PATJ: variants seen among roughly 807,000 people sequenced by gnomAD.
The protein encoded by PATJ is inaD-like protein.
PATJ carries 190 observed loss-of-function variants against 224.9 expected under a neutral mutation model. That is an observed-to-expected ratio of 0.84 (90% CI 0.75 to 0.95). The LOEUF is 0.95. PATJ is among the 40% of genes least tolerant of loss of function. The probability of loss-of-function intolerance (pLI) is 0.00; values close to 1 mark genes in which losing one functional copy is unlikely to be tolerated. For missense variants in PATJ, 2,121 were observed against 2,270.3 expected, an observed-to-expected ratio of 0.93 and a Z score of 1.34; for synonymous variants, 769 against 820.3, an observed-to-expected ratio of 0.94 and a Z score of 1.07.
In PATJ at chr1:61,861,635, A is replaced by T; in HGVS notation, c.2407A>T (p.Ile803Leu). Residue 803 changes from isoleucine to leucine, a missense_variant, in exon 19 of 44, where the codon ATA (isoleucine) becomes TTA (leucine). By Grantham distance (5) the Ile-to-Leu change is conservative. Transcript: ENST00000642238. ...TGAATTTTCAGGAACAATTCATGAT[A>T]TAAATTCATCTTTAATACTCGAAGC... is the stretch of plus-strand genomic sequence containing the variant. ...KTEFSGTIHD[I>L]NSSLILEAPK... 6.8e-7 allele frequency: 1 copy of T among 1,472,572 alleles called. No individual in the cohort carries two copies. The highest frequency in any genetic ancestry group is 9.1e-7 in the Non-Finnish European group (1 of 1,097,828). The allele number at this position is 1,472,572 out of a possible 1,614,324, so 91.2% of individuals were successfully genotyped here.
intron 1 of PATJ, among the ~76,000 whole-genome samples, chr1:61,748,453 A>G (rs1645145380): frequency 6.7e-6 from 1 of 148,674 alleles, no homozygotes; most frequent in Non-Finnish European, 1.5e-5. Context: ...ACGGGGTTTC[A>G]CCATGTTGGC....
rs1214751475 is a variant in PATJ at position 62,033,961 on chromosome 1, A to C, written c.3960-4016A>C. ...TTTAACAGAGCATGGCAAGTACAGCAATGAGGACACACATGCAGTGTTCCG... is the reference window on the plus strand; with the variant it reads ...TTTAACAGAGCATGGCAAGTACAGCCATGAGGACACACATGCAGTGTTCCG... On this transcript the variant is annotated intron_variant, in intron 29 of 43. Transcript: ENST00000642238. 3.3e-5 allele frequency among the ~76,000 whole-genome samples: 5 copies of C among 152,172 alleles called. No individual in the cohort carries two copies. The East Asian group carries it at 9.6e-4, about 29-fold the overall frequency.
chr1:61,978,305 G>A (rs2149490550), intron 27 of PATJ, among the ~76,000 whole-genome samples: 1 of 129,278 alleles, frequency 7.7e-6, no homozygotes, highest in African/African-American at 2.8e-5. Context: ...CGCTCTTGTT[G>A]CCTAGGCTGG....
chr1:61,905,244 C>G (rs1054274147), intron 24 of PATJ, among the ~76,000 whole-genome samples: 1 of 152,226 alleles, frequency 6.6e-6, no homozygotes, highest in African/African-American at 2.4e-5. Flanking sequence ...GAGATGGTGC[C>G]TTCTCTCTGT....
In PATJ at chr1:61,807,073, C is replaced by T. The variant is rs139323360; in HGVS notation, c.1627-1401C>T. Among the ~76,000 whole-genome samples the T allele has an allele frequency of 6.8e-3, 1,029 of 152,192 alleles. 12 individuals carry two copies. Among genetic ancestry groups the T allele is most frequent in the African/African-American group, 0.024 (989 of 41,542 alleles). On this transcript the variant is annotated intron_variant, in intron 13 of 43. Coordinates refer to ENST00000642238, the MANE Select transcript of PATJ (RefSeq NM_001350145.3). Reference sequence around the variant, plus strand: ...AGGCTGAGGCAGGAGAATTGCTTAACCTGGGAGGCGGAGGTTGTGGTGAGC... The same window carrying T: ...AGGCTGAGGCAGGAGAATTGCTTAATCTGGGAGGCGGAGGTTGTGGTGAGC...
intron 7 of PATJ, among the ~76,000 whole-genome samples, chr1:61,778,072 G>A (rs1037595479): frequency 6.6e-6 from 1 of 151,978 alleles, no homozygotes; most frequent in African/African-American, 2.4e-5. Flanking sequence ...TAGAGGTGGG[G>A]TTTCACCATG....
intron 24 of PATJ, among the ~76,000 whole-genome samples, chr1:61,902,079 G>T (rs1331981758): frequency 6.6e-6 from 1 of 152,072 alleles, no homozygotes; most frequent in Non-Finnish European, 1.5e-5. Flanking sequence ...AAATCAGCCG[G>T]GCGTAGTGGC....
intron 33 of PATJ, among the ~76,000 whole-genome samples, chr1:62,101,550 A>G (rs948327762): frequency 6.6e-6 from 1 of 152,188 alleles, no homozygotes; most frequent in Non-Finnish European, 1.5e-5. Context: ...GGCGTGAGCC[A>G]CTGTGCCCAG....
intron 28 of PATJ, among the ~76,000 whole-genome samples, chr1:62,009,814 G>A (rs1201620276): frequency 6.6e-6 from 1 of 152,056 alleles, no homozygotes; most frequent in African/African-American, 2.4e-5. Context: ...GCCAGGCCTG[G>A]TGGCTCACGC....
At chr1:61,897,986 C>G (rs1247178385) in intron 22 of PATJ, among the ~76,000 whole-genome samples, 1 of 152,288 alleles carries the variant, frequency 6.6e-6, no homozygotes, top group East Asian at 1.9e-4. Context: ...ATCCTTTCAG[C>G]CTTCTCCTTT....
chr1:62,123,133 A>C, intron 39 of PATJ, 75 bp downstream of exon 39: 1 of 1,028,992 alleles, frequency 9.7e-7, no homozygotes, highest in Non-Finnish European at 1.5e-6. Context: ...TTTCCCCAAT[A>C]CAGTTTATTG....
intron 7 of PATJ, among the ~76,000 whole-genome samples, chr1:61,776,935 T>C (rs12040092): frequency 0.21 from 31,447 of 151,882 alleles, 3,628 homozygotes; most frequent in Non-Finnish European, 0.27. Flanking sequence ...CCGTGTTAGC[T>C]ATGATGGTCT....
rs533852901 is a variant in PATJ, at chr1:61,895,469, G to A, written c.3132-4114G>A. On this transcript the variant is annotated intron_variant, in intron 22 of 43. Coordinates refer to ENST00000642238, the MANE Select transcript of PATJ (RefSeq NM_001350145.3). ...TGTACCCTGCATTCCAGGTGTTCCA[G>A]CTCCAGCTGTGGCTAAAAGGCGCCA... Among the ~76,000 whole-genome samples, 31 of 152,334 alleles carry A rather than the reference G, an allele frequency of 2.0e-4. No individual in the cohort carries two copies. The East Asian group carries it at 6.0e-3, about 29-fold the overall frequency.
intron 22 of PATJ, among the ~76,000 whole-genome samples, chr1:61,894,242 G>A (rs1441346717): frequency 8.1e-5 from 12 of 148,844 alleles, no homozygotes; most frequent in African/African-American, 2.2e-4. Flanking sequence ...CAACAAGAGC[G>A]AAACTCTATC....
chr1:61,744,399 C>G (rs950866688), intron 1 of PATJ, among the ~76,000 whole-genome samples: 8 of 151,662 alleles, frequency 5.3e-5, no homozygotes, highest in African/African-American at 1.5e-4. Flanking sequence ...TTCTTGAGAC[C>G]GATCTTTATC....
At chr1:62,069,043 C>A (rs572624587) in intron 31 of PATJ, among the ~76,000 whole-genome samples, 1 of 152,144 alleles carries the variant, frequency 6.6e-6, no homozygotes, top group East Asian at 1.9e-4. Flanking sequence ...TGAAGGAAAG[C>A]GACCCAAGGT....
At chr1:62,089,947 A>C (rs4255414) in intron 33 of PATJ, among the ~76,000 whole-genome samples, 38,344 of 151,914 alleles carry the variant, frequency 0.25, 5,202 homozygotes, top group African/African-American at 0.35. Flanking sequence ...TCTGCTCCAA[A>C]CCTCCCAATT....
At chr1:61,817,399 C>T (rs1485387990) in intron 14 of PATJ, among the ~76,000 whole-genome samples, 2 of 152,128 alleles carry the variant, frequency 1.3e-5, no homozygotes, top group East Asian at 3.8e-4. Flanking sequence ...AGCGGTGGCT[C>T]ACGCCTGTAA....
At chr1:62,037,306 G>A (rs551017875) in intron 29 of PATJ, among the ~76,000 whole-genome samples, 1 of 152,242 alleles carries the variant, frequency 6.6e-6, no homozygotes, top group African/African-American at 2.4e-5. Context: ...TGCTAGTAAT[G>A]TGGTGAAAAT....
Sources: gnomAD v4.1 joint callset for allele counts (sites outside exome capture counted in the v4.1 genomes callset) on GRCh38, gnomAD v4.1.1 for gene constraint, MANE v1.5 for transcripts, NCBI Gene and HGNC (gene_info 2026-07-23, HGNC 2026-07-21) for gene names.